Variants in MARCHF1 observed in about 807,000 individuals in gnomAD.
MARCHF1 encodes membrane associated ring-CH-type finger 1, also known as E3 ubiquitin-protein ligase MARCHF1.
A neutral mutation model predicts 54.2 loss-of-function variants in MARCHF1; 40 were observed. The ratio of observed to expected loss-of-function variants is 0.74; its 90% confidence interval spans 0.57 to 0.96. The LOEUF (loss-of-function observed/expected upper bound fraction) is 0.96, where lower values mean the gene tolerates loss of function less well. Ranked by LOEUF, MARCHF1 falls within the 40% of genes least tolerant of loss-of-function variation. The probability of loss-of-function intolerance (pLI) is 0.00; values close to 1 mark genes in which losing one functional copy is unlikely to be tolerated. For missense variants in MARCHF1, 586 were observed against 656.5 expected (o/e 0.89, Z 1.17); for synonymous variants, 236 against 236.3 (o/e 1.00, Z 0.01).
At chr4:164,305,582 T>C (rs1046624828) in intron 1 of MARCHF1, among the ~76,000 whole-genome samples, 2 of 152,182 alleles carry the variant, frequency 1.3e-5, no homozygotes, top group African/African-American at 4.8e-5. Flanking sequence ...CAAAGATTGG[T>C]AAATTGGTGT....
chr4:163,673,288 TGAGC>T (rs1743797737), intron 5 of MARCHF1, among the ~76,000 whole-genome samples: 1 of 152,248 alleles, frequency 6.6e-6, no homozygotes, highest in African/African-American at 2.4e-5. Flanking sequence ...AAAGCCTAAT[TGAGC>T]AAGTATTATC....
chr4:164,298,930 T>C (rs1464743757), intron 1 of MARCHF1, among the ~76,000 whole-genome samples: 1 of 152,148 alleles, frequency 6.6e-6, no homozygotes, highest in African/African-American at 2.4e-5. Flanking sequence ...GTATGATTAA[T>C]TATTTTTCAG....
At chr4:164,368,360 A>C (rs1730939747) in intron 1 of MARCHF1, among the ~76,000 whole-genome samples, 1 of 151,744 alleles carries the variant, frequency 6.6e-6, no homozygotes. Context: ...ATAAGTAGAA[A>C]ACATCAAGAC....
At chr4:164,068,945 T>C (rs1027575235) in intron 2 of MARCHF1, among the ~76,000 whole-genome samples, 8 of 152,124 alleles carry the variant, frequency 5.3e-5, no homozygotes, top group African/African-American at 1.2e-4. Context: ...AGCTCAGGGT[T>C]TGTGAATGCA....
chr4:164,021,166 C>A (rs1163696879), intron 2 of MARCHF1, among the ~76,000 whole-genome samples: 1 of 150,946 alleles, frequency 6.6e-6, no homozygotes, highest in Non-Finnish European at 1.5e-5. Context: ...GAAGCAAAAG[C>A]CAGGTAAATT....
At chr4:163,533,697 T>A (rs867123842) in intron 9 of MARCHF1, among the ~76,000 whole-genome samples, 2 of 105,646 alleles carry the variant, frequency 1.9e-5, no homozygotes, top group East Asian at 3.0e-4. Flanking sequence ...ATATATATAT[T>A]TATATATATT....
intron 8 of MARCHF1, among the ~76,000 whole-genome samples, chr4:163,552,588 G>A (rs1217069583): frequency 2.0e-5 from 3 of 152,176 alleles, no homozygotes; most frequent in African/African-American, 7.2e-5. Flanking sequence ...TTTCTAACTA[G>A]AAGTGGTTTT....
At chr4:163,933,075 C>A in intron 3 of MARCHF1, 3 of 1,472,682 alleles carry the variant, frequency 2.0e-6, no homozygotes, top group South Asian at 2.4e-5. Flanking sequence ...TAACCCAGAG[C>A]TTGCCTGCAC....
intron 1 of MARCHF1, among the ~76,000 whole-genome samples, chr4:164,374,741 T>G (rs895786049): frequency 3.9e-5 from 6 of 152,146 alleles, no homozygotes; most frequent in Non-Finnish European, 5.9e-5. Flanking sequence ...GCACAGAATC[T>G]TTCTTTCATG....
chr4:163,943,501 C>T (rs774830685), intron 3 of MARCHF1, among the ~76,000 whole-genome samples: 5 of 152,050 alleles, frequency 3.3e-5, no homozygotes, highest in Non-Finnish European at 5.9e-5. Context: ...TGTAAGTGTG[C>T]AGCCTTATTT....
intron 1 of MARCHF1, among the ~76,000 whole-genome samples, chr4:164,252,863 T>C (rs1351204325): frequency 1.3e-5 from 2 of 152,098 alleles, no homozygotes; most frequent in Non-Finnish European, 2.9e-5. Flanking sequence ...ATTCGGAAGT[T>C]CTAAGATCTA....
chr4:163,864,970 A>T lies in MARCHF1; in HGVS notation c.-38-10801T>A, dbSNP rs1750018028. 2.0e-5 allele frequency among the ~76,000 whole-genome samples: 3 copies of T among 151,906 alleles called. No individual in the cohort carries two copies. In the South Asian group the frequency reaches 6.2e-4, roughly 31 times the overall value. On this transcript the variant is annotated intron_variant, in intron 3 of 9. Transcript: ENST00000514618. ...GAAAAACATATATCACTGATTTAGGACTAAACAGTGAAATAAAAGTTGTTT... is the reference window on the plus strand; with the variant it reads ...GAAAAACATATATCACTGATTTAGGTCTAAACAGTGAAATAAAAGTTGTTT...
intron 2 of MARCHF1, among the ~76,000 whole-genome samples, chr4:164,067,286 T>C (rs766816846): frequency 6.6e-6 from 1 of 152,024 alleles, no homozygotes; most frequent in Non-Finnish European, 1.5e-5. Context: ...ATAGCCAAAA[T>C]AATTCTAGGC....
intron 4 of MARCHF1, among the ~76,000 whole-genome samples, chr4:163,818,808 A>G (rs992563785): frequency 1.3e-5 from 2 of 152,126 alleles, no homozygotes; most frequent in Non-Finnish European, 2.9e-5. Context: ...CCTCATGGTC[A>G]AGACAGTAAA....
chr4:164,068,476 G>A (rs940529225), intron 2 of MARCHF1, among the ~76,000 whole-genome samples: 2 of 152,162 alleles, frequency 1.3e-5, no homozygotes, highest in Non-Finnish European at 2.9e-5. Context: ...GGCTCGGCAG[G>A]CCCCACAATT....
intron 4 of MARCHF1, among the ~76,000 whole-genome samples, chr4:163,752,408 A>G (rs1258060661): frequency 6.6e-6 from 1 of 152,222 alleles, no homozygotes; most frequent in African/African-American, 2.4e-5. Context: ...AGTGTGGTAT[A>G]CAACACAAGC....
At chr4:164,270,484 TTC>T (rs1252444750) in intron 1 of MARCHF1, among the ~76,000 whole-genome samples, 1 of 152,336 alleles carries the variant, frequency 6.6e-6, no homozygotes, top group Admixed American at 6.5e-5. Flanking sequence ...TGTCAGATAT[TTC>T]TGTTTGGTTC....
At chr4:163,722,450 C>G (rs980715071) in intron 4 of MARCHF1, among the ~76,000 whole-genome samples, 1 of 152,122 alleles carries the variant, frequency 6.6e-6, no homozygotes, top group Non-Finnish European at 1.5e-5. Flanking sequence ...TTACTTCCAA[C>G]TATGTGGTCA....
intron 4 of MARCHF1, among the ~76,000 whole-genome samples, chr4:163,734,372 A>G (rs910290458): frequency 6.6e-6 from 1 of 152,208 alleles, no homozygotes; most frequent in Non-Finnish European, 1.5e-5. Context: ...AGACTTGCAC[A>G]CAAATTATCC....
Sources: gnomAD v4.1 joint callset for allele counts (sites outside exome capture counted in the v4.1 genomes callset) on GRCh38, gnomAD v4.1.1 for gene constraint, MANE v1.5 for transcripts, NCBI Gene and HGNC (gene_info 2026-07-23, HGNC 2026-07-21) for gene names.